The following PDXDC1 variants were observed in gnomAD, a reference collection of about 807,000 sequenced individuals.
PDXDC1 encodes the protein pyridoxal-dependent decarboxylase domain-containing protein 1.
PDXDC1 carries 42 observed loss-of-function variants against 100.1 expected under a neutral mutation model. That is an observed-to-expected ratio of 0.42 (90% CI 0.33 to 0.54). PDXDC1 has a LOEUF of 0.54. Among genes scored for constraint, PDXDC1 ranks in the 20% least tolerant of loss-of-function variants. PDXDC1 has a pLI of 0.10. For synonymous variants in PDXDC1, 260 were observed against 371.7 expected (o/e 0.70, Z 3.46); for missense variants, 636 against 979.2 (o/e 0.65, Z 4.68).
rs1183655574 is a variant in PDXDC1, at chr16:15,038,116, T to A, written c.*1841T>A. 2 of 1,612,122 alleles carry A rather than the reference T, an allele frequency of 1.2e-6. No homozygotes were observed. Among genetic ancestry groups the A allele is most frequent in the Admixed American group, 3.3e-5 (2 of 60,000 alleles). The stretch of plus-strand genomic sequence containing the variant: ...GGCTTTATTTCCAGAAAACAGTGTG[T>A]GAGCTGGAGATGGGTGTTTTTTTAA... On this transcript the variant is annotated 3_prime_UTR_variant, in exon 23 of 23. Coordinates refer to ENST00000396410, the MANE Select transcript of PDXDC1 (RefSeq NM_015027.4).
At chr16:15,141,250 T>C (rs1459192326), downstream of PDXDC1, among the ~76,000 whole-genome samples, 5 of 152,180 alleles carry the variant, frequency 3.3e-5, no homozygotes, top group African/African-American at 7.2e-5. Context: ...ACAGGCTGCC[T>C]GGTGGGGCCC....
At chr16:14,980,438 G>C (rs1369221838) in intron 1 of PDXDC1, among the ~76,000 whole-genome samples, 3 of 152,242 alleles carry the variant, frequency 2.0e-5, no homozygotes, top group Non-Finnish European at 4.4e-5. Flanking sequence ...TCAGCTTCCC[G>C]AGTAGATGGG....
At chr16:14,993,923 T>C (rs1219385468) in intron 1 of PDXDC1, among the ~76,000 whole-genome samples, 1 of 152,298 alleles carries the variant, frequency 6.6e-6, no homozygotes, top group Non-Finnish European at 1.5e-5. Context: ...ATGTGTCTTT[T>C]GGCTGCATAA....
chr16:15,058,553 T>C (rs941805451), intron 16 of PDXDC1, among the ~76,000 whole-genome samples: 3 of 151,970 alleles, frequency 2.0e-5, no homozygotes, highest in Admixed American at 1.3e-4. Flanking sequence ...ATAGTGAAAC[T>C]CCATCTCTAC....
At chr16:15,145,142 G>A in the PDXDC1 span, among the ~76,000 whole-genome samples, 2 of 152,216 alleles carry the variant, frequency 1.3e-5, no homozygotes, top group Non-Finnish European at 2.9e-5. Flanking sequence ...GCAGGGTCCA[G>A]AGTGTCAATG....
intron 1 of PDXDC1, chr16:14,988,245 G>C: frequency 6.2e-7 from 1 of 1,613,624 alleles, no homozygotes. Context: ...CTGAAAGCAG[G>C]ACTGTTAGTT....
At chr16:15,014,290 A>G (rs1477851922) in intron 8 of PDXDC1, among the ~76,000 whole-genome samples, 235 of 152,352 alleles carry the variant, frequency 1.5e-3, no homozygotes, top group Non-Finnish European at 2.1e-3. Flanking sequence ...TTCCTGCCTT[A>G]TTGTTTAAAA....
At chr16:15,096,158 G>C (rs2046350490) in intron 16 of PDXDC1, among the ~76,000 whole-genome samples, 1 of 151,944 alleles carries the variant, frequency 6.6e-6, no homozygotes, top group Admixed American at 6.6e-5. Flanking sequence ...ACCCAGGCTG[G>C]AGTACAGTGT....
At chr16:15,074,089 G>A (rs1325422358) in intron 16 of PDXDC1, among the ~76,000 whole-genome samples, 1 of 152,178 alleles carries the variant, frequency 6.6e-6, no homozygotes, top group Non-Finnish European at 1.5e-5. Flanking sequence ...TCTCTGAAGA[G>A]TAGAAATGTG....
In PDXDC1 at chr16:15,038,112, T is replaced by C. The variant is rs769423964; in HGVS notation, c.*1837T>C. The C allele has an allele frequency of 1.6e-5, 26 of 1,611,754 alleles. No individual in the cohort carries two copies. The East Asian group carries it at 2.0e-4, about 12-fold the overall frequency. Reference sequence around the variant, plus strand: ...GTAGGGCTTTATTTCCAGAAAACAGTGTGTGAGCTGGAGATGGGTGTTTTT... The same window carrying C: ...GTAGGGCTTTATTTCCAGAAAACAGCGTGTGAGCTGGAGATGGGTGTTTTT... On this transcript the variant is annotated 3_prime_UTR_variant, in exon 23 of 23. Transcript: ENST00000396410.
chr16:15,011,256 A>G (rs1223506475), intron 8 of PDXDC1, among the ~76,000 whole-genome samples: 2 of 152,308 alleles, frequency 1.3e-5, no homozygotes, highest in African/African-American at 4.8e-5. Context: ...CATGTGAAGT[A>G]TATGGACACT....
In PDXDC1 at chr16:15,131,083, G is replaced by A. The variant is rs768611930; in HGVS notation, c.1400-7796G>A. The A allele has an allele frequency of 2.4e-4, 385 of 1,604,824 alleles. 6 individuals carry two copies. The South Asian group carries it at 2.5e-3, about 11-fold the overall frequency. The stretch of plus-strand genomic sequence containing the variant: ...GCCGCGTGTGCCTCACCCGCTGCAC[G>A]CACCGTCCAGCAGCGTATAGTTGAG... On this transcript the variant is annotated intron_variant, in intron 16 of 16. Transcript: ENST00000535621.
At chr16:15,091,714 T>G (rs1469013382) in intron 16 of PDXDC1, among the ~76,000 whole-genome samples, 1 of 152,202 alleles carries the variant, frequency 6.6e-6, no homozygotes, top group African/African-American at 2.4e-5. Context: ...AAGTATTCAC[T>G]CAAATATGGA....
intron 16 of PDXDC1, chr16:15,065,149 G>A (rs867625351): frequency 6.8e-7 from 1 of 1,479,580 alleles, no homozygotes; most frequent in African/African-American, 1.4e-5. Flanking sequence ...CTGGGCGACA[G>A]AGTGAGACTC....
chr16:15,139,951 G>C (rs945297049), downstream of PDXDC1, among the ~76,000 whole-genome samples: 4 of 151,858 alleles, frequency 2.6e-5, no homozygotes, highest in Admixed American at 6.6e-5. Flanking sequence ...CAAAAATTAG[G>C]TGGGCGTGGT....
At chr16:15,048,970 G>A (rs56187345) in intron 16 of PDXDC1, among the ~76,000 whole-genome samples, 4 of 147,216 alleles carry the variant, frequency 2.7e-5, no homozygotes, top group Admixed American at 6.9e-5. Context: ...TGCTGCCCAG[G>A]CTGGTCTCAA....
chr16:15,010,714 C>T (rs1184465683), intron 8 of PDXDC1, among the ~76,000 whole-genome samples: 2 of 152,260 alleles, frequency 1.3e-5, no homozygotes, highest in African/African-American at 4.8e-5. Context: ...TGTTTGCAGG[C>T]ATGATTGTAT....
downstream of PDXDC1, among the ~76,000 whole-genome samples, chr16:15,042,803 G>T (rs1387716894): frequency 6.6e-6 from 1 of 151,950 alleles, no homozygotes; most frequent in African/African-American, 2.4e-5. Flanking sequence ...TGTGATCTCA[G>T]CTCACTGCAA....
downstream of PDXDC1, among the ~76,000 whole-genome samples, chr16:15,142,210 G>T (rs1396639848): frequency 1.3e-5 from 2 of 152,106 alleles, no homozygotes; most frequent in African/African-American, 4.8e-5. Context: ...GGCAGGGGTG[G>T]GGGCAGGTCA....
Sources: allele counts gnomAD v4.1 joint callset (sites outside exome capture counted in the v4.1 genomes callset), GRCh38; gene constraint gnomAD v4.1.1; transcripts MANE v1.5; gene names NCBI Gene and HGNC (gene_info 2026-07-23, HGNC 2026-07-21).